FGF12: variants seen among roughly 807,000 people sequenced by gnomAD.
The protein encoded by FGF12 is fibroblast growth factor 12B.
Under a neutral mutation model 23.6 loss-of-function variants are expected in FGF12, and 14 were observed. That is an observed-to-expected ratio of 0.59 (90% CI 0.39 to 0.93). The LOEUF is 0.93. Among genes scored for constraint, FGF12 ranks in the 40% least tolerant of loss-of-function variants. The pLI, the probability that FGF12 is intolerant of heterozygous loss-of-function variation, is 0.00. For missense variants in FGF12, 175 were observed against 217.8 expected (o/e 0.80, Z 1.24); for synonymous variants, 62 against 77.3 (o/e 0.80, Z 1.04).
rs1004568933 is a variant in FGF12 at position 192,141,063 on chromosome 3, C to T, written c.*2946G>A. 5 of 129,782 alleles carry T rather than the reference C, an allele frequency of 3.9e-5. No individual in the cohort carries two copies. The highest frequency in any genetic ancestry group is 1.5e-4 in the African/African-American group (5 of 34,060). The allele number at this position is 129,782 out of a possible 1,614,324, so 8.0% of individuals were successfully genotyped here. On this transcript the variant is annotated 3_prime_UTR_variant, in exon 6 of 6. Transcript: ENST00000445105. Reference sequence around the variant, plus strand: ...ATAAACATATCTTAATTTATATCTGCGTAGCCAATTGCAAAGCATTACTAA... The same window carrying T: ...ATAAACATATCTTAATTTATATCTGTGTAGCCAATTGCAAAGCATTACTAA...
At chr3:192,306,987 T>C (rs1672148479) in intron 4 of FGF12, among the ~76,000 whole-genome samples, 1 of 152,210 alleles carries the variant, frequency 6.6e-6, no homozygotes, top group South Asian at 2.1e-4. Context: ...TGTGAAAGAA[T>C]TAGATTTGTT....
At chr3:192,499,533 T>A (rs1485468872) in intron 2 of FGF12, among the ~76,000 whole-genome samples, 4 of 104,662 alleles carry the variant, frequency 3.8e-5, no homozygotes, top group Non-Finnish European at 7.8e-5. Flanking sequence ...TTTTTTTTTT[T>A]TTTTTTTTTT....
At chr3:192,706,617 G>T (rs1718479972) in intron 2 of FGF12, among the ~76,000 whole-genome samples, 1 of 152,058 alleles carries the variant, frequency 6.6e-6, no homozygotes, top group South Asian at 2.1e-4. Flanking sequence ...CGTTTACAAA[G>T]CACTTCCCAA....
At chr3:192,651,286 T>C (rs1237561956) in intron 2 of FGF12, among the ~76,000 whole-genome samples, 1 of 152,148 alleles carries the variant, frequency 6.6e-6, no homozygotes, top group Non-Finnish European at 1.5e-5. Flanking sequence ...TACAAACCAG[T>C]CATATGAACC....
chr3:192,501,226 G>A (rs150996029), intron 2 of FGF12, among the ~76,000 whole-genome samples: 132 of 152,214 alleles, frequency 8.7e-4, no homozygotes, highest in Middle Eastern at 3.4e-3. Flanking sequence ...AAGAATTGGA[G>A]AATAGAGCTG....
intron 2 of FGF12, among the ~76,000 whole-genome samples, chr3:192,418,370 G>T (rs1408316847): frequency 1.3e-5 from 2 of 152,060 alleles, no homozygotes; most frequent in East Asian, 3.9e-4. Flanking sequence ...ACAGACTATG[G>T]AGAATTAACA....
intron 2 of FGF12, among the ~76,000 whole-genome samples, chr3:192,472,612 G>C (rs145282068): frequency 2.0e-5 from 3 of 152,176 alleles, no homozygotes; most frequent in African/African-American, 7.2e-5. Context: ...AGGCTAATAA[G>C]CTAAAACTCA....
intron 2 of FGF12, among the ~76,000 whole-genome samples, chr3:192,512,271 A>T (rs1724500872): frequency 6.6e-6 from 1 of 152,158 alleles, no homozygotes; most frequent in Non-Finnish European, 1.5e-5. Context: ...TGATATCATT[A>T]CCTCAATTTG....
At chr3:192,260,938 G>A (rs138125239) in intron 4 of FGF12, among the ~76,000 whole-genome samples, 28 of 152,244 alleles carry the variant, frequency 1.8e-4, no homozygotes, top group Admixed American at 5.2e-4. Context: ...CAGAAGTTGT[G>A]AGAACCAAGG....
chr3:192,330,962 A>G (rs1027113914), intron 4 of FGF12, among the ~76,000 whole-genome samples: 2 of 152,160 alleles, frequency 1.3e-5, no homozygotes, highest in African/African-American at 4.8e-5. Context: ...TATATCTGAT[A>G]AGGGCTTTAA....
intron 2 of FGF12, among the ~76,000 whole-genome samples, chr3:192,600,689 G>GA (rs1560165236): frequency 6.6e-6 from 1 of 151,718 alleles, no homozygotes; most frequent in South Asian, 2.1e-4. Flanking sequence ...AGAAATACAT[G>GA]AAAAAAATGC....
chr3:192,419,261 A>G (rs1057393726), intron 2 of FGF12, among the ~76,000 whole-genome samples: 1 of 152,144 alleles, frequency 6.6e-6, no homozygotes, highest in African/African-American at 2.4e-5. Flanking sequence ...CCCACAGTCT[A>G]AGTCAGGGGC....
intron 4 of FGF12, among the ~76,000 whole-genome samples, chr3:192,239,456 T>C (rs1185023286): frequency 1.3e-5 from 2 of 152,204 alleles, no homozygotes; most frequent in Non-Finnish European, 2.9e-5. Flanking sequence ...GTGAAGCTTA[T>C]TCTAACAATA....
Position 192,336,544 on chromosome 3 carries a change from T to C in FGF12, c.125-1080A>G, listed in dbSNP as rs1259911093. Among the ~76,000 whole-genome samples the C allele has an allele frequency of 6.6e-6, 1 of 151,544 alleles. No homozygotes were observed. Among genetic ancestry groups the C allele is most frequent in the African/African-American group, 2.4e-5 (1 of 41,428 alleles). ...CAATCATATAGTTAGGCTCTATAGA[T>C]GGCAACATGGAGATGAATTAAGTAT... On this transcript the variant is annotated intron_variant, in intron 3 of 5. Coordinates refer to ENST00000445105, the MANE Select transcript of FGF12 (RefSeq NM_004113.6). This position sits in a 1 kb window ranked among gnomAD's most constrained non-coding sequence, Gnocchi z 4.3.
intron 4 of FGF12, among the ~76,000 whole-genome samples, chr3:192,300,432 G>C (rs1006202481): frequency 2.0e-5 from 3 of 152,048 alleles, no homozygotes; most frequent in African/African-American, 7.2e-5. Context: ...CTTAAACAGA[G>C]ACAGCCCAAT....
chr3:192,660,404 C>A (rs1368802100), intron 2 of FGF12, among the ~76,000 whole-genome samples: 1 of 149,836 alleles, frequency 6.7e-6, no homozygotes, highest in Non-Finnish European at 1.5e-5. Flanking sequence ...AGATATACCT[C>A]ATGTTAAATG....
At chr3:192,461,852 T>C (rs1397477404) in intron 2 of FGF12, among the ~76,000 whole-genome samples, 2 of 151,920 alleles carry the variant, frequency 1.3e-5, no homozygotes, top group Admixed American at 1.3e-4. Context: ...TAGCCAGGCA[T>C]GGTGGTGCGT....
chr3:192,699,272 C>A (rs1718221593), intron 2 of FGF12, among the ~76,000 whole-genome samples: 3 of 152,108 alleles, frequency 2.0e-5, no homozygotes, highest in Non-Finnish European at 2.9e-5. Flanking sequence ...TTTTGTTATA[C>A]CTTAGTGTTT....
chr3:192,566,864 A>G (rs1338640477), intron 2 of FGF12, among the ~76,000 whole-genome samples: 1 of 152,234 alleles, frequency 6.6e-6, no homozygotes, highest in Non-Finnish European at 1.5e-5. Flanking sequence ...ACTACCAGAA[A>G]GGCCACACGA....
Sources: gnomAD v4.1 joint callset for allele counts (sites outside exome capture counted in the v4.1 genomes callset) on GRCh38, gnomAD v4.1.1 for gene constraint, Gnocchi (gnomAD v3.1) non-coding constraint, MANE v1.5 for transcripts, NCBI Gene and HGNC (gene_info 2026-07-23, HGNC 2026-07-21) for gene names.